CDK5RAP2: variants seen among roughly 807,000 people sequenced by gnomAD.
CDK5RAP2 encodes the protein CDK5 regulatory subunit-associated protein 2.
CDK5RAP2 carries 147 observed loss-of-function variants against 232.9 expected under a neutral mutation model. That is an observed-to-expected ratio of 0.63 (90% CI 0.55 to 0.72). The LOEUF is 0.72. CDK5RAP2 is among the 30% of genes least tolerant of loss of function. CDK5RAP2 has a pLI of 0.00. For synonymous variants in CDK5RAP2, 833 were observed against 833.7 expected (o/e 1.00, Z 0.01); for missense variants, 2,195 against 2,231.5 (o/e 0.98, Z 0.33).
At chr9:120,563,581 A>G (rs2042538345) in intron 3 of CDK5RAP2, among the ~76,000 whole-genome samples, 1 of 152,162 alleles carries the variant, frequency 6.6e-6, no homozygotes, top group Non-Finnish European at 1.5e-5. Flanking sequence ...TAACTGAAGG[A>G]AAGATAGTAG....
intron 20 of CDK5RAP2, among the ~76,000 whole-genome samples, chr9:120,455,736 C>CAA (rs774549079): frequency 7.7e-4 from 101 of 131,532 alleles, no homozygotes; most frequent in African/African-American, 2.2e-3. Context: ...AACCTTGTGT[C>CAA]AAAAAAAAAA....
chr9:120,428,788 G>A (rs1409423209), intron 25 of CDK5RAP2, among the ~76,000 whole-genome samples: 7 of 152,104 alleles, frequency 4.6e-5, no homozygotes, highest in Admixed American at 2.0e-4. Context: ...ACCAAAGCCG[G>A]GCAGAGACAC....
intron 22 of CDK5RAP2, among the ~76,000 whole-genome samples, chr9:120,447,177 T>C (rs780266446): frequency 1.3e-5 from 2 of 152,208 alleles, no homozygotes; most frequent in African/African-American, 2.4e-5. Flanking sequence ...AGTCAACATA[T>C]GCACTTTTGT....
intron 25 of CDK5RAP2, among the ~76,000 whole-genome samples, chr9:120,428,688 A>G (rs1048971876): frequency 2.0e-5 from 3 of 152,186 alleles, no homozygotes; most frequent in Non-Finnish European, 4.4e-5. Context: ...ACAAGGAGGA[A>G]CTGGTACCAT....
At chr9:120,423,349 T>C (rs1247631927) in intron 25 of CDK5RAP2, among the ~76,000 whole-genome samples, 1 of 152,194 alleles carries the variant, frequency 6.6e-6, no homozygotes, top group Non-Finnish European at 1.5e-5. Flanking sequence ...ACAAATAAAA[T>C]AAGCATCTTT....
At chr9:120,577,360 C>CAA (rs34908774) in intron 1 of CDK5RAP2, among the ~76,000 whole-genome samples, 2 of 125,338 alleles carry the variant, frequency 1.6e-5, no homozygotes, top group South Asian at 2.7e-4. Context: ...GACCCTGTCT[C>CAA]AAAAAAAAAA....
rs1031510980 is a variant in CDK5RAP2 at position 120,580,104 on chromosome 9, C to A, written c.-126G>T. 3.3e-6 allele frequency: 2 copies of A among 601,000 alleles called. No homozygotes were observed. The highest frequency in any genetic ancestry group is 4.1e-5 in the South Asian group (2 of 49,208). 37.2% of individuals were successfully genotyped at this position (601,000 alleles called of 1,614,324 possible). A position where few individuals can be genotyped will look rare whatever the true frequency, so the allele number is the denominator to read the frequency against. ...ACCCCAGCTCTTGTTCAGACTCTGGCGGCGCCGCTGGAATTCAAACCACAG... is the reference window on the plus strand; with the variant it reads ...ACCCCAGCTCTTGTTCAGACTCTGGAGGCGCCGCTGGAATTCAAACCACAG... On this transcript the variant is annotated 5_prime_UTR_variant, in exon 1 of 38. Coordinates refer to ENST00000349780, the MANE Select transcript of CDK5RAP2 (RefSeq NM_018249.6).
chr9:120,466,139 CCTA>C (rs1449658094), intron 18 of CDK5RAP2, among the ~76,000 whole-genome samples: 1 of 152,196 alleles, frequency 6.6e-6, no homozygotes, highest in Non-Finnish European at 1.5e-5. Flanking sequence ...TTTATAGTCT[CCTA>C]CAGAACAGGA....
chr9:120,451,173 C>A (rs1249590887), intron 21 of CDK5RAP2, among the ~76,000 whole-genome samples: 1 of 152,182 alleles, frequency 6.6e-6, no homozygotes, highest in African/African-American at 2.4e-5. Context: ...AATAACACCA[C>A]ACAAAATGCT....
At chr9:120,498,231 A>G (rs1055338799) in intron 12 of CDK5RAP2, among the ~76,000 whole-genome samples, 2 of 152,098 alleles carry the variant, frequency 1.3e-5, no homozygotes, top group African/African-American at 4.8e-5. Context: ...ATACTTAGCG[A>G]TGGCCCCCTA....
At chr9:120,529,867 T>C (rs978178304) in intron 8 of CDK5RAP2, 111 bp downstream of exon 8, 23 of 1,045,350 alleles carry the variant, frequency 2.2e-5, no homozygotes, top group African/African-American at 6.2e-5. Flanking sequence ...AGGGGACTCA[T>C]ATTTAGAAGC....
At chr9:120,433,909 G>A (rs2035425402) in intron 25 of CDK5RAP2, among the ~76,000 whole-genome samples, 1 of 152,102 alleles carries the variant, frequency 6.6e-6, no homozygotes. Context: ...CAAAATATGT[G>A]TTACGTGTCC....
intron 31 of CDK5RAP2, chr9:120,407,717 A>AC (rs1486925976): frequency 6.1e-6 from 1 of 163,004 alleles, no homozygotes; most frequent in Non-Finnish European, 1.3e-5. Context: ...AAAATAAAAA[A>AC]AAAAAAAAAA....
chr9:120,390,125 G>T, intron 36 of CDK5RAP2: 1 of 310,174 alleles, frequency 3.2e-6, no homozygotes. Context: ...GCTCACTTCT[G>T]TGGGCCAGGG....
intron 27 of CDK5RAP2, among the ~76,000 whole-genome samples, chr9:120,416,105 T>A (rs2034198852): frequency 6.7e-6 from 1 of 149,076 alleles, no homozygotes; most frequent in South Asian, 2.1e-4. Context: ...CATGTGAGGG[T>A]TTTTTCCCCC....
intron 28 of CDK5RAP2, among the ~76,000 whole-genome samples, chr9:120,414,454 A>G (rs1302236264): frequency 1.3e-5 from 2 of 152,236 alleles, no homozygotes; most frequent in Admixed American, 6.5e-5. Context: ...TCATGGATAT[A>G]GAGTACGTTA....
chr9:120,525,597 CCCA>C (rs960996612), intron 10 of CDK5RAP2, among the ~76,000 whole-genome samples: 3 of 152,000 alleles, frequency 2.0e-5, no homozygotes, highest in African/African-American at 7.2e-5. Context: ...CTAGAACTCC[CCCA>C]CATGTGATAC....
rs757177113 is a variant in CDK5RAP2 at position 120,439,993 on chromosome 9, T to C, written c.3149-21A>G. ...AGAGTCTGAAAATCAAATACACTTATGTCAGTATCTCTTTTACTAAAATCC... is the reference window on the plus strand; with the variant it reads ...AGAGTCTGAAAATCAAATACACTTACGTCAGTATCTCTTTTACTAAAATCC... On this transcript the variant is annotated intron_variant, in intron 23 of 37. Coordinates refer to ENST00000349780, the MANE Select transcript of CDK5RAP2 (RefSeq NM_018249.6). The C allele has an allele frequency of 3.7e-6, 6 of 1,601,106 alleles. No homozygotes were observed. In the African/African-American group the frequency reaches 4.0e-5, roughly 11 times the overall value.
In CDK5RAP2 at chr9:120,442,924, G is replaced by C. The variant is rs147902418; in HGVS notation, c.3148+696C>G. 3.9e-3 allele frequency among the ~76,000 whole-genome samples: 588 copies of C among 152,242 alleles called. 5 individuals are homozygous for C. The highest frequency in any genetic ancestry group is 0.013 in the African/African-American group (558 of 41,550). Reference sequence around the variant, plus strand: ...TTCTTGAGGACAATTATTTCTAACAGAGTGAATTAGATCTGGATTAATAGT... The same window carrying C: ...TTCTTGAGGACAATTATTTCTAACACAGTGAATTAGATCTGGATTAATAGT... On this transcript the variant is annotated intron_variant, in intron 23 of 37. Coordinates refer to ENST00000349780, the MANE Select transcript of CDK5RAP2 (RefSeq NM_018249.6).
Sources: allele counts gnomAD v4.1 joint callset (sites outside exome capture counted in the v4.1 genomes callset), GRCh38; gene constraint gnomAD v4.1.1; transcripts MANE v1.5; gene names NCBI Gene and HGNC (gene_info 2026-07-23, HGNC 2026-07-21).